BCL2L1: variants seen among roughly 807,000 people sequenced by gnomAD.
BCL2L1 encodes bcl-2-like protein 1.
Under a neutral mutation model 18.7 loss-of-function variants are expected in BCL2L1, and 1 was observed. That is an observed-to-expected ratio of 0.05 (90% CI 0.02 to 0.25). The LOEUF (loss-of-function observed/expected upper bound fraction) is 0.25. BCL2L1 is among the 10% of genes least tolerant of loss of function. BCL2L1 has a pLI of 1.00. For missense variants in BCL2L1, 207 were observed against 304.9 expected (o/e 0.68, Z 2.39); for synonymous variants, 103 against 122.7 (o/e 0.84, Z 1.06).
intron 2 of BCL2L1, chr20:31,686,411 T>A (rs1018912019): frequency 2.0e-5 from 3 of 152,230 alleles, no homozygotes; most frequent in African/African-American, 7.2e-5. Context: ...ATTTACCTCC[T>A]CCTAGCATCG....
At chr20:31,693,965 T>C (rs1178800560) in intron 2 of BCL2L1, among the ~76,000 whole-genome samples, 2 of 150,194 alleles carry the variant, frequency 1.3e-5, no homozygotes, top group Non-Finnish European at 3.0e-5. Flanking sequence ...AAAAAAAAAG[T>C]GTACTGAAAC....
chr20:31,714,313 C>T (rs1040478958), intron 2 of BCL2L1, among the ~76,000 whole-genome samples: 1 of 152,170 alleles, frequency 6.6e-6, no homozygotes, highest in Admixed American at 6.6e-5. Context: ...GAGAGTAGAA[C>T]TGGGATTCCA....
chr20:31,708,973 T>C (rs1175499940), intron 2 of BCL2L1, among the ~76,000 whole-genome samples: 3 of 152,186 alleles, frequency 2.0e-5, no homozygotes, highest in Non-Finnish European at 4.4e-5. Flanking sequence ...CAGGGCAGCT[T>C]ACCTGATCTG....
chr20:31,675,435 T>C (rs1254534095), intron 2 of BCL2L1, among the ~76,000 whole-genome samples: 1 of 151,986 alleles, frequency 6.6e-6, no homozygotes, highest in Non-Finnish European at 1.5e-5. Flanking sequence ...TGGGAGATGG[T>C]AGGAAGGGGG....
chr20:31,711,002 A>G (rs2061445462), intron 2 of BCL2L1, among the ~76,000 whole-genome samples: 1 of 152,328 alleles, frequency 6.6e-6, no homozygotes, highest in Non-Finnish European at 1.5e-5. Flanking sequence ...ATCTGAGTAT[A>G]AGACCCAGCT....
chr20:31,696,244 C>A (rs1036187864), intron 2 of BCL2L1, among the ~76,000 whole-genome samples: 1 of 152,172 alleles, frequency 6.6e-6, no homozygotes, highest in Admixed American at 6.5e-5. Context: ...AATGAATGAC[C>A]AATATCCCTC....
chr20:31,668,569 G>A (rs975354167), intron 2 of BCL2L1, among the ~76,000 whole-genome samples: 4 of 149,642 alleles, frequency 2.7e-5, no homozygotes, highest in Non-Finnish European at 5.9e-5. Flanking sequence ...CTCCCAAAGT[G>A]CTGGGATTAC....
intron 2 of BCL2L1, chr20:31,720,899 C>G (rs1202121036): frequency 1.0e-6 from 1 of 985,452 alleles, no homozygotes; most frequent in Non-Finnish European, 1.2e-6. Flanking sequence ...GGCAGAGCAG[C>G]TGGAGCTCCC....
intron 2 of BCL2L1, among the ~76,000 whole-genome samples, chr20:31,694,416 T>C (rs1482775678): frequency 3.3e-5 from 5 of 151,898 alleles, no homozygotes; most frequent in Non-Finnish European, 5.9e-5. Flanking sequence ...TGAGATTAGG[T>C]TTCTTGGGAA....
At chr20:31,710,332 G>T (rs376745135) in intron 2 of BCL2L1, among the ~76,000 whole-genome samples, 7 of 152,220 alleles carry the variant, frequency 4.6e-5, no homozygotes, top group Middle Eastern at 6.4e-3. Context: ...TCCATAGGAT[G>T]AGTGATACAG....
upstream of BCL2L1, chr20:31,723,599 C>T: frequency 1.0e-6 from 1 of 985,454 alleles, no homozygotes; most frequent in South Asian, 4.7e-5. Context: ...CTAGACCTTC[C>T]TGAGAGGAGG....
In BCL2L1 at chr20:31,694,482, G is replaced by A. The variant is rs144293508; in HGVS notation, c.564+27173C>T. 3.5e-3 allele frequency among the ~76,000 whole-genome samples: 535 copies of A among 152,192 alleles called. 4 individuals carry two copies. Among genetic ancestry groups the A allele is most frequent in the African/African-American group, 0.012 (505 of 41,504 alleles). Reference sequence around the variant, plus strand: ...TGTCTCCCTGTGGCTTTTCTCTGCTGGACAGATGGTGTCTGAGCTGCCTCT... The same window carrying A: ...TGTCTCCCTGTGGCTTTTCTCTGCTAGACAGATGGTGTCTGAGCTGCCTCT... On this transcript the variant is annotated intron_variant, in intron 2 of 2. Coordinates refer to ENST00000307677, the MANE Select transcript of BCL2L1 (RefSeq NM_138578.3).
At chr20:31,691,866 C>G (rs1050981327) in intron 2 of BCL2L1, among the ~76,000 whole-genome samples, 2 of 152,198 alleles carry the variant, frequency 1.3e-5, no homozygotes, top group African/African-American at 4.8e-5. Flanking sequence ...CTCACACCCA[C>G]CAGCTCCATA....
chr20:31,707,952 A>C (rs939870860), intron 2 of BCL2L1, among the ~76,000 whole-genome samples: 1 of 152,180 alleles, frequency 6.6e-6, no homozygotes, highest in Non-Finnish European at 1.5e-5. Flanking sequence ...ACTCTTAACA[A>C]CGATGGAATT....
At chr20:31,681,087 T>A (rs2060852237) in intron 2 of BCL2L1, among the ~76,000 whole-genome samples, 1 of 152,130 alleles carries the variant, frequency 6.6e-6, no homozygotes, top group Admixed American at 6.5e-5. Context: ...AGGAGACTGG[T>A]GGTGATGAGA....
intron 2 of BCL2L1, among the ~76,000 whole-genome samples, chr20:31,717,058 G>A (rs2061548202): frequency 1.3e-5 from 2 of 152,170 alleles, no homozygotes; most frequent in Admixed American, 1.3e-4. Flanking sequence ...TTAGGTTGGA[G>A]GTTGGGTGGG....
rs1026123997 is a variant in BCL2L1, at chr20:31,665,117, C to T, written c.*832G>A. 5.5e-6 allele frequency: 1 copy of T among 180,402 alleles called. No homozygotes were observed. The highest frequency in any genetic ancestry group is 1.2e-5 in the Non-Finnish European group (1 of 84,126). 11.2% of individuals were successfully genotyped at this position (180,402 alleles called of 1,614,324 possible). The stretch of plus-strand genomic sequence containing the variant: ...CAAGGCAAAGATGCCACAGGCTGCT[C>T]TTGTAGGAAGTGAGGCAGCTGAGGC... On this transcript the variant is annotated 3_prime_UTR_variant, in exon 3 of 3. Coordinates refer to ENST00000307677, the MANE Select transcript of BCL2L1 (RefSeq NM_138578.3).
intron 2 of BCL2L1, among the ~76,000 whole-genome samples, chr20:31,677,917 G>A (rs1315827728): frequency 1.3e-5 from 2 of 152,124 alleles, no homozygotes; most frequent in Non-Finnish European, 2.9e-5. Context: ...GCTGAGTGTT[G>A]GACAGAGAGG....
intron 2 of BCL2L1, among the ~76,000 whole-genome samples, chr20:31,668,295 C>T (rs56075905): frequency 0.017 from 2,627 of 152,064 alleles, 76 homozygotes; most frequent in African/African-American, 0.059. Flanking sequence ...TCTGCCTGTC[C>T]CCTTACCTTC....
Sources: allele counts gnomAD v4.1 joint callset (sites outside exome capture counted in the v4.1 genomes callset), GRCh38; gene constraint gnomAD v4.1.1; transcripts MANE v1.5; gene names NCBI Gene and HGNC (gene_info 2026-07-23, HGNC 2026-07-21).